The following NADK variants were observed in gnomAD, a reference collection of about 807,000 sequenced individuals.
The protein encoded by NADK is poly(P)/ATP NAD kinase.
A neutral mutation model predicts 49.8 loss-of-function variants in NADK; 22 were observed. The observed-to-expected ratio is 0.44, with a 90% CI of 0.32 to 0.63. The LOEUF (loss-of-function observed/expected upper bound fraction) is 0.63. NADK is among the 30% of genes least tolerant of loss of function. The pLI is 0.06. For missense variants in NADK, 438 were observed against 609.4 expected, an observed-to-expected ratio of 0.72 and a Z score of 2.96; for synonymous variants, 268 against 253.7, an observed-to-expected ratio of 1.06 and a Z score of -0.54.
At chr1:1,753,136 C>A (rs904759607) in intron 11 of NADK, 76 bp from the exon 12 acceptor site, 2 of 1,507,146 alleles carry the variant, frequency 1.3e-6, no homozygotes, top group African/African-American at 2.7e-5. Context: ...TTCCTCCCTC[C>A]CTCCCTGGGA....
chr1:1,764,949 A>G (rs938309680), intron 2 of NADK, among the ~76,000 whole-genome samples: 4 of 152,216 alleles, frequency 2.6e-5, no homozygotes, highest in African/African-American at 9.6e-5. Context: ...ATCAAGGGTC[A>G]GCGTAGGCGC....
chr1:1,757,923 G>T (rs1219108580), intron 3 of NADK, among the ~76,000 whole-genome samples: 1 of 152,160 alleles, frequency 6.6e-6, no homozygotes, highest in East Asian at 1.9e-4. Context: ...CCCTGACACA[G>T]CCACCCGCGC....
intron 1 of NADK, among the ~76,000 whole-genome samples, chr1:1,767,008 G>A (rs781381859): frequency 6.6e-5 from 10 of 151,880 alleles, no homozygotes; most frequent in Non-Finnish European, 1.0e-4. Flanking sequence ...TCTGCTTCCC[G>A]GGTTCAAGTG....
chr1:1,760,304 G>T (rs914900422), intron 3 of NADK, among the ~76,000 whole-genome samples: 1 of 152,216 alleles, frequency 6.6e-6, no homozygotes. Flanking sequence ...GCACAAGTGC[G>T]AGTCACTTCC....
intron 2 of NADK, among the ~76,000 whole-genome samples, chr1:1,764,462 G>A (rs1557851797): frequency 1.3e-5 from 2 of 152,186 alleles, no homozygotes; most frequent in Non-Finnish European, 2.9e-5. Context: ...TGCCCAACAT[G>A]TGAGAGGGCT....
intron 6 of NADK, 109 bp from the exon 7 acceptor site, chr1:1,755,585 G>A (rs954742839): frequency 1.3e-5 from 11 of 815,494 alleles, no homozygotes; most frequent in Middle Eastern, 3.4e-4. Flanking sequence ...ACAGCACCCC[G>A]ACCCTCTGCA....
chr1:1,752,783 G>T lies in NADK; in HGVS notation c.*121C>A. 8.4e-7 allele frequency: 1 copy of T among 1,194,416 alleles called. No homozygotes were observed. The highest frequency in any genetic ancestry group is 1.2e-6 in the Non-Finnish European group (1 of 846,376). The allele number at this position is 1,194,416 out of a possible 1,614,324, so 74.0% of individuals were successfully genotyped here. A position where few individuals can be genotyped will look rare whatever the true frequency, so the allele number is the denominator to read the frequency against. Reference sequence around the variant, plus strand: ...AAAGGCAGACCCAGGCTCTAACCCAGCTACAGAAAGGAAGTGGCCGTGCCA... The same window carrying T: ...AAAGGCAGACCCAGGCTCTAACCCATCTACAGAAAGGAAGTGGCCGTGCCA... On this transcript the variant is annotated 3_prime_UTR_variant, in exon 12 of 12. Coordinates refer to ENST00000341426, the MANE Select transcript of NADK (RefSeq NM_023018.5).
At chr1:1,774,167 A>G (rs1164338701) in intron 1 of NADK, among the ~76,000 whole-genome samples, 1 of 151,398 alleles carries the variant, frequency 6.6e-6, no homozygotes, top group Non-Finnish European at 1.5e-5. Context: ...GTGTGTGTAT[A>G]TATATACACA....
intron 1 of NADK, among the ~76,000 whole-genome samples, chr1:1,767,366 A>C (rs1383363087): frequency 6.6e-6 from 1 of 152,244 alleles, no homozygotes; most frequent in East Asian, 1.9e-4. Flanking sequence ...AACACCCAGA[A>C]GCTGGAGGTG....
chr1:1,763,416 C>A (rs758455900), intron 2 of NADK, among the ~76,000 whole-genome samples: 3 of 151,938 alleles, frequency 2.0e-5, no homozygotes, highest in Admixed American at 1.3e-4. Context: ...GTCAGGTGTT[C>A]GAGACCAGCC....
intron 1 of NADK, among the ~76,000 whole-genome samples, chr1:1,773,055 A>G (rs1407289521): frequency 6.6e-6 from 1 of 151,766 alleles, no homozygotes; most frequent in Admixed American, 6.6e-5. Flanking sequence ...AAAAAAAAAA[A>G]AAAGATGTTA....
intron 10 of NADK, 60 bp downstream of exon 10, chr1:1,753,991 T>G: frequency 1.3e-6 from 2 of 1,518,516 alleles, no homozygotes; most frequent in Non-Finnish European, 1.8e-6. Flanking sequence ...AGGTCCCGGC[T>G]TTGTGTTGCA....
intron 1 of NADK, among the ~76,000 whole-genome samples, chr1:1,767,514 T>C (rs952923531): frequency 6.6e-6 from 1 of 152,074 alleles, no homozygotes; most frequent in South Asian, 2.1e-4. Flanking sequence ...AGAGGGGCCG[T>C]GCACAGAAAC....
At chr1:1,763,836 C>T (rs981565283) in intron 2 of NADK, among the ~76,000 whole-genome samples, 7 of 152,118 alleles carry the variant, frequency 4.6e-5, no homozygotes, top group Non-Finnish European at 1.5e-5. Flanking sequence ...GAGGCGACCT[C>T]TGACCCAGGG....
chr1:1,773,715 T>A (rs376649667), intron 1 of NADK, among the ~76,000 whole-genome samples: 70,827 of 133,306 alleles, frequency 0.53, 20,897 homozygotes, highest in Admixed American at 0.66. Context: ...TGTGTGTGTG[T>A]GTGTGTGTGT....
chr1:1,754,295 A>T lies in NADK; in HGVS notation c.932T>A (p.Val311Glu). ...VYLDGHLITT[V>E]QGDGVIVSTP... ...GCTGCGGGCCTTACCGTCGCCCTGCACCGTGGTGATGAGGTGTCCGTCCAG... is the reference window on the plus strand; with the variant it reads ...GCTGCGGGCCTTACCGTCGCCCTGCTCCGTGGTGATGAGGTGTCCGTCCAG... The change falls in exon 9 of 12, where the codon GTG becomes GAG. Residue 311 changes from valine (V) to glutamate (E), a missense_variant. Physicochemically the swap from Val to Glu is moderately radical, Grantham distance 121. Transcript: ENST00000341426. The surrounding 1 kb of genome is among the most constrained non-coding windows in gnomAD (Gnocchi z 4.3). The T allele has an allele frequency of 3.1e-6, 5 of 1,613,792 alleles. No homozygotes were observed. The highest frequency in any genetic ancestry group is 4.2e-6 in the Non-Finnish European group (5 of 1,179,946).
upstream of NADK, chr1:1,778,836 C>G (rs1646294217): frequency 2.0e-5 from 3 of 152,202 alleles, no homozygotes; most frequent in Admixed American, 6.5e-5. This position sits in a 1 kb window ranked among gnomAD's most constrained non-coding sequence, Gnocchi z 4.9. Flanking sequence ...CGTCCCGCCC[C>G]CAACTCACCG....
chr1:1,756,433 G>C, intron 5 of NADK, 70 bp downstream of exon 5: 2 of 1,610,716 alleles, frequency 1.2e-6, no homozygotes, highest in South Asian at 2.2e-5. Flanking sequence ...AAGGGCAACA[G>C]TGCCAGAAGC....
rs1327970672 is a variant in NADK at position 1,773,707 on chromosome 1, T to A, written c.-41+4582A>T. On this transcript the variant is annotated intron_variant, in intron 1 of 11. Coordinates refer to ENST00000341426, the MANE Select transcript of NADK (RefSeq NM_023018.5). ...GTGTGTGTGTGTGTGTGTGTGTGTG[T>A]GTGTGTGTGTGTGTGTGTGTGTGAG... 6.5e-4 allele frequency among the ~76,000 whole-genome samples: 70 copies of A among 107,136 alleles called. 3 individuals carry two copies. In the East Asian group the frequency reaches 0.011, roughly 16 times the overall value. 70.3% of individuals were successfully genotyped at this position (107,136 alleles called of 152,430 possible).
Sources: gnomAD v4.1 joint callset for allele counts (sites outside exome capture counted in the v4.1 genomes callset) on GRCh38, gnomAD v4.1.1 for gene constraint, Gnocchi (gnomAD v3.1) non-coding constraint, MANE v1.5 for transcripts, NCBI Gene and HGNC (gene_info 2026-07-23, HGNC 2026-07-21) for gene names.